The following NBEA variants were observed in gnomAD, a reference collection of about 807,000 sequenced individuals.
The protein encoded by NBEA is neurobeachin, also known as lysosomal-trafficking regulator 2.
A neutral mutation model predicts 343.4 loss-of-function variants in NBEA; 44 were observed. The observed-to-expected ratio is 0.13, with a 90% CI of 0.10 to 0.16. The LOEUF (loss-of-function observed/expected upper bound fraction) is 0.16. Among genes scored for constraint, NBEA ranks in the 10% least tolerant of loss-of-function variants. The probability of loss-of-function intolerance (pLI) is 1.00; values close to 1 mark genes in which losing one functional copy is unlikely to be tolerated. For synonymous variants in NBEA, 1,175 were observed against 1,238.7 expected, an observed-to-expected ratio of 0.95 and a Z score of 1.08; for missense variants, 2,555 against 3,631.3, an observed-to-expected ratio of 0.70 and a Z score of 7.62.
chr13:34,945,828 G>T (rs913603692), intron 1 of NBEA, among the ~76,000 whole-genome samples: 1 of 151,994 alleles, frequency 6.6e-6, no homozygotes, highest in South Asian at 2.1e-4. Context: ...TTTCTCACAT[G>T]CCTTGGCCAA....
rs572884141 is a variant in NBEA, at chr13:35,509,066, A to G, written c.6585+36530A>G. The stretch of plus-strand genomic sequence containing the variant: ...CCAGCCCTGACCAGGAGTCCCTCCC[A>G]TGGGTAACTGTTTATAATGGCGGAT... On this transcript the variant is annotated intron_variant, in intron 41 of 58. Transcript: ENST00000379939. Among the ~76,000 whole-genome samples the G allele has an allele frequency of 5.3e-5, 8 of 152,284 alleles. No individual in the cohort carries two copies. The East Asian group carries it at 1.5e-3, about 29-fold the overall frequency.
At chr13:35,317,231 T>A (rs1029939283) in intron 36 of NBEA, among the ~76,000 whole-genome samples, 2 of 152,238 alleles carry the variant, frequency 1.3e-5, no homozygotes, top group African/African-American at 2.4e-5. Context: ...TTCTAGGGTT[T>A]TTATGGTTTT....
chr13:35,600,549 A>C (rs1000894880), intron 47 of NBEA, among the ~76,000 whole-genome samples: 2 of 152,214 alleles, frequency 1.3e-5, no homozygotes, highest in African/African-American at 4.8e-5. Flanking sequence ...GCCCCTAAAA[A>C]AAATTGAGAC....
intron 34 of NBEA, among the ~76,000 whole-genome samples, chr13:35,288,212 T>C (rs1184168135): frequency 2.0e-5 from 3 of 152,016 alleles, no homozygotes; most frequent in Non-Finnish European, 4.4e-5. Context: ...CAGTCAGTGG[T>C]TGTATTTTCA....
At chr13:35,576,209 G>A (rs1321232094) in intron 45 of NBEA, among the ~76,000 whole-genome samples, 3 of 150,238 alleles carry the variant, frequency 2.0e-5, no homozygotes, top group South Asian at 2.2e-4. Flanking sequence ...TTCCGCCTCC[G>A]AGATTCAGGC....
At chr13:35,102,023 A>C (rs1222735707) in intron 11 of NBEA, among the ~76,000 whole-genome samples, 1 of 150,758 alleles carries the variant, frequency 6.6e-6, no homozygotes, top group Non-Finnish European at 1.5e-5. Context: ...TTTATCTTTC[A>C]TATTTAGATC....
chr13:35,582,762 G>T (rs1320615958), intron 45 of NBEA, among the ~76,000 whole-genome samples: 1 of 152,076 alleles, frequency 6.6e-6, no homozygotes, highest in East Asian at 1.9e-4. Flanking sequence ...AATTCTAACA[G>T]ACTTTTTACT....
rs1302503384 is a variant in NBEA at position 35,117,508 on chromosome 13, T to TA, written c.2082+16dup. The TA allele has an allele frequency of 8.3e-7, 1 of 1,200,156 alleles. No homozygotes were observed. The highest frequency in any genetic ancestry group is 1.1e-6 in the Non-Finnish European group (1 of 916,400). 74.3% of individuals were successfully genotyped at this position (1,200,156 alleles called of 1,614,324 possible). On this transcript the variant is annotated intron_variant, in intron 14 of 58. Transcript: ENST00000379939. The stretch of plus-strand genomic sequence containing the variant: ...TGATACTAAAGGTAAAATAATTTTA[T>TA]ATAATTTAAAATAATAGTATATTAG...
At chr13:35,089,269 CAAAAG>C (rs2064941160) in intron 10 of NBEA, among the ~76,000 whole-genome samples, 1 of 141,958 alleles carries the variant, frequency 7.0e-6, no homozygotes, top group Non-Finnish European at 1.5e-5. Flanking sequence ...AGACACTTCT[CAAAAG>C]AAGACATTTA....
rs1484159917 is a variant in NBEA, at chr13:35,606,349, A to T, written c.7297-77A>T. On this transcript the variant is annotated intron_variant, in intron 47 of 58. Transcript: ENST00000379939. ...AATTATTTTATTCCATTTATAGTTA[A>T]TAAGTTATAAGTTAATAGTTTTATT... 7 of 734,020 alleles carry T rather than the reference A, an allele frequency of 9.5e-6. No individual in the cohort carries two copies. In the African/African-American group the frequency reaches 1.3e-4, roughly 13 times the overall value. The allele number at this position is 734,020 out of a possible 1,614,324, so 45.5% of individuals were successfully genotyped here.
chr13:35,580,150 A>C (rs2080948947), intron 45 of NBEA, among the ~76,000 whole-genome samples: 1 of 152,074 alleles, frequency 6.6e-6, no homozygotes, highest in South Asian at 2.1e-4. Flanking sequence ...CATTTTTTGC[A>C]CCATTTTTTC....
chr13:35,006,878 G>C (rs181022883), intron 1 of NBEA, among the ~76,000 whole-genome samples: 1 of 152,148 alleles, frequency 6.6e-6, no homozygotes, highest in Admixed American at 6.5e-5. Flanking sequence ...TCAGCCTCTC[G>C]AATAGCTGGG....
intron 41 of NBEA, among the ~76,000 whole-genome samples, chr13:35,501,321 C>T (rs908477519): frequency 6.6e-6 from 1 of 152,174 alleles, no homozygotes; most frequent in African/African-American, 2.4e-5. Flanking sequence ...GTGGAAAATA[C>T]CAGCTAAATG....
At chr13:35,384,823 GC>G (rs766273740) in intron 38 of NBEA, among the ~76,000 whole-genome samples, 2 of 152,054 alleles carry the variant, frequency 1.3e-5, no homozygotes, top group Non-Finnish European at 2.9e-5. Context: ...ACCGCGCCCG[GC>G]CTGTTTTTTA....
chr13:35,628,960 T>C (rs2083341668), intron 49 of NBEA, among the ~76,000 whole-genome samples: 1 of 152,166 alleles, frequency 6.6e-6, no homozygotes, highest in African/African-American at 2.4e-5. Flanking sequence ...TTCTACCTTT[T>C]AGACAGAATA....
chr13:35,605,636 CA>C (rs1478782137), intron 47 of NBEA, among the ~76,000 whole-genome samples: 4 of 152,112 alleles, frequency 2.6e-5, no homozygotes, highest in African/African-American at 9.7e-5. Flanking sequence ...TAAAAAACAA[CA>C]AAAACTTTCA....
intron 55 of NBEA, among the ~76,000 whole-genome samples, chr13:35,664,327 G>A (rs370136818): frequency 3.9e-5 from 6 of 152,304 alleles, no homozygotes; most frequent in African/African-American, 1.4e-4. Context: ...TGAGAGACAA[G>A]ATAGGGGATC....
chr13:35,016,325 TA>T (rs1370072393), intron 1 of NBEA, among the ~76,000 whole-genome samples: 4 of 152,178 alleles, frequency 2.6e-5, no homozygotes, highest in Non-Finnish European at 4.4e-5. Flanking sequence ...ACTTAAGTTT[TA>T]TGGTAAAAAT....
intron 34 of NBEA, among the ~76,000 whole-genome samples, chr13:35,269,580 C>G (rs143655221): frequency 1.3e-3 from 201 of 152,110 alleles, no homozygotes; most frequent in African/African-American, 4.7e-3. Context: ...GGAGACAGAC[C>G]TCAGAAGAGT....
Sources: allele counts gnomAD v4.1 joint callset (sites outside exome capture counted in the v4.1 genomes callset), GRCh38; gene constraint gnomAD v4.1.1; transcripts MANE v1.5; gene names NCBI Gene and HGNC (gene_info 2026-07-23, HGNC 2026-07-21).